The following KDM1A variants were observed in gnomAD, a reference collection of about 807,000 sequenced individuals.
The protein encoded by KDM1A is lysine demethylase 1A.
In KDM1A, 49 loss-of-function variants were observed where a neutral mutation model predicts 109.4. The observed-to-expected ratio is 0.45, with a 90% CI of 0.36 to 0.57. The LOEUF is 0.57. KDM1A is among the 20% of genes least tolerant of loss of function. The pLI is 0.00. For synonymous variants in KDM1A, 380 were observed against 415.4 expected (o/e 0.91, Z 1.04); for missense variants, 668 against 1,116.6 (o/e 0.60, Z 5.73).
At chr1:23,057,588 T>TA in intron 8 of KDM1A, 23 bp downstream of exon 8, 2 of 1,547,270 alleles carry the variant, frequency 1.3e-6, no homozygotes, top group Non-Finnish European at 1.8e-6. Context: ...TGGTTTGTGC[T>TA]ATATAGTACA....
At chr1:23,047,428 A>G (rs1642533778) in intron 3 of KDM1A, among the ~76,000 whole-genome samples, 1 of 152,226 alleles carries the variant, frequency 6.6e-6, no homozygotes, top group African/African-American at 2.4e-5. Flanking sequence ...GAAGAATATT[A>G]TTCCAAGCAT....
chr1:23,052,451 T>G (rs971758747), intron 4 of KDM1A, among the ~76,000 whole-genome samples: 1 of 152,200 alleles, frequency 6.6e-6, no homozygotes, highest in African/African-American at 2.4e-5. Flanking sequence ...TCATAATCCC[T>G]TAGTAATTTG....
At chr1:23,064,704 C>T (rs1643112247) in intron 9 of KDM1A, among the ~76,000 whole-genome samples, 1 of 152,198 alleles carries the variant, frequency 6.6e-6, no homozygotes, top group Non-Finnish European at 1.5e-5. Flanking sequence ...AGTTGTTTGG[C>T]TTTCCCACAT....
chr1:23,054,277 G>T (rs1048504042), intron 5 of KDM1A, among the ~76,000 whole-genome samples: 2 of 152,108 alleles, frequency 1.3e-5, no homozygotes, highest in Non-Finnish European at 2.9e-5. Flanking sequence ...TTTTAAATTA[G>T]ACAGACACAG....
At chr1:23,059,421 T>G in intron 9 of KDM1A, 1 of 505,218 alleles carries the variant, frequency 2.0e-6, no homozygotes, top group East Asian at 4.7e-5. Flanking sequence ...GAAGGCTAGC[T>G]AGACAGTTAA....
chr1:23,082,251 C>T lies in KDM1A; in HGVS notation c.2330C>T (p.Ala777Val), dbSNP rs1490193629. ...PKETVVSRWR[A>V]DPWARGSYSY... ...GAAACTGTGGTGTCTCGTTGGCGTG[C>T]TGATCCCTGGGCTCGGGGCTCTTAT... Residue 777 changes from alanine (A) to valine (V), a missense_variant, in exon 20 of 21, where the codon GCT becomes GTT. Coordinates refer to ENST00000400181, the MANE Select transcript of KDM1A (RefSeq NM_001009999.3). 1.9e-6 allele frequency: 3 copies of T among 1,613,812 alleles called. No individual in the cohort carries two copies. The South Asian group carries it at 3.3e-5, about 18-fold the overall frequency.
At chr1:23,053,217 A>T (rs748366144) in intron 4 of KDM1A, among the ~76,000 whole-genome samples, 4 of 152,152 alleles carry the variant, frequency 2.6e-5, no homozygotes, top group Non-Finnish European at 5.9e-5. Context: ...TTGGCAAGTT[A>T]CTAGGTGGTT....
At position 23,079,681 on chromosome 1, in the gene KDM1A, A is replaced by G. The variant is rs1441002040; in HGVS notation, c.2170+14A>G. 1.8e-5 allele frequency: 27 copies of G among 1,510,750 alleles called. No homozygotes were observed. The highest frequency in any genetic ancestry group is 2.5e-5 in the Non-Finnish European group (27 of 1,100,334). 93.6% of individuals were successfully genotyped at this position (1,510,750 alleles called of 1,614,324 possible). A position where few individuals can be genotyped will look rare whatever the true frequency, so the allele number is the denominator to read the frequency against. On this transcript the variant is annotated intron_variant, in intron 18 of 20. Transcript: ENST00000400181. The surrounding 1 kb of genome is among the most constrained non-coding windows in gnomAD (Gnocchi z 5.6). The stretch of plus-strand genomic sequence containing the variant: ...ACCTCTATAAAGGTAAATGCCTTCT[A>G]ATTTTAATCTTTTCCATATCCTTAC...
chr1:23,078,105 T>C (rs547190663), intron 16 of KDM1A, among the ~76,000 whole-genome samples: 2 of 152,330 alleles, frequency 1.3e-5, no homozygotes, highest in East Asian at 3.9e-4. Flanking sequence ...TAGCCATCAA[T>C]CTTACCCTGC....
chr1:23,019,688 C>T lies in KDM1A; in HGVS notation c.92C>T (p.Ser31Phe). Residue 31 changes from serine (S) to phenylalanine (F), a missense_variant, in exon 1 of 21, where the codon TCC becomes TTC. Ser to Phe is a radical substitution (Grantham distance 155, BLOSUM62 -2). Transcript: ENST00000400181. The stretch of plus-strand genomic sequence containing the variant: ...GCTGGCCCTGGGACAGCAGGCGGCT[C>T]CGAGAACGGGTCTGAGGTGGCCGCG... ...TEAGPGTAGG[S>F]ENGSEVAAQP... 7.4e-7 allele frequency: 1 copy of T among 1,360,276 alleles called. No individual in the cohort carries two copies. 84.3% of individuals were successfully genotyped at this position (1,360,276 alleles called of 1,614,324 possible).
chr1:23,052,490 C>A (rs1642702960), intron 4 of KDM1A, among the ~76,000 whole-genome samples: 1 of 152,086 alleles, frequency 6.6e-6, no homozygotes, highest in Non-Finnish European at 1.5e-5. Flanking sequence ...AAATTAATTT[C>A]TTCTTGGTTG....
At chr1:23,068,460 A>C (rs1212667348) in intron 10 of KDM1A, 79 bp from the exon 11 acceptor site, 5 of 1,200,418 alleles carry the variant, frequency 4.2e-6, no homozygotes, top group Admixed American at 2.8e-5. Context: ...ACCTTTATAA[A>C]CTATAGAGCA....
chr1:23,054,511 TG>T (rs1410105809), intron 5 of KDM1A, among the ~76,000 whole-genome samples: 3 of 152,202 alleles, frequency 2.0e-5, no homozygotes, highest in Non-Finnish European at 4.4e-5. Flanking sequence ...TGATTGACAG[TG>T]TCTCCTTCTG....
chr1:23,082,639 A>T (rs1001979178), intron 20 of KDM1A: 4 of 333,956 alleles, frequency 1.2e-5, no homozygotes, highest in African/African-American at 8.4e-5. Context: ...AAACAAAACC[A>T]TTTTTAATTG....
rs753457328 is a variant in KDM1A at position 23,034,614 on chromosome 1, G to A, written c.517+3980G>A. On this transcript the variant is annotated intron_variant, in intron 2 of 20. Coordinates refer to ENST00000400181, the MANE Select transcript of KDM1A (RefSeq NM_001009999.3). ...TTACTTGGCTTTTTTATTTTCACAT[G>A]GAAACATGACTCCATTTTTTTTTTC... Among the ~76,000 whole-genome samples the A allele has an allele frequency of 7.2e-5, 11 of 151,986 alleles. 1 individual carries two copies. The highest frequency in any genetic ancestry group is 1.0e-4 in the Non-Finnish European group (7 of 67,992).
intron 4 of KDM1A, among the ~76,000 whole-genome samples, chr1:23,051,679 CAGAACAT>C (rs1642674200): frequency 1.3e-5 from 2 of 152,282 alleles, no homozygotes; most frequent in East Asian, 3.9e-4. Flanking sequence ...AGGTGCTATT[CAGAACAT>C]GCTCATGTTA....
At chr1:23,059,546 T>G (rs911214250) in intron 9 of KDM1A, among the ~76,000 whole-genome samples, 2 of 152,222 alleles carry the variant, frequency 1.3e-5, no homozygotes, top group Admixed American at 6.5e-5. Context: ...ATGTGTTCTT[T>G]ATGACTTCAG....
chr1:23,047,461 T>A (rs1642534834), intron 3 of KDM1A, among the ~76,000 whole-genome samples: 1 of 152,202 alleles, frequency 6.6e-6, no homozygotes, highest in Non-Finnish European at 1.5e-5. Context: ...CCACATTTAG[T>A]TTCTTTAAAT....
At chr1:23,037,633 G>C (rs752112731) in intron 2 of KDM1A, among the ~76,000 whole-genome samples, 1 of 152,120 alleles carries the variant, frequency 6.6e-6, no homozygotes, top group Non-Finnish European at 1.5e-5. Context: ...TTGTATAATA[G>C]CTCTCTCAGA....
Sources: gnomAD v4.1 joint callset for allele counts (sites outside exome capture counted in the v4.1 genomes callset) on GRCh38, gnomAD v4.1.1 for gene constraint, Gnocchi (gnomAD v3.1) non-coding constraint, MANE v1.5 for transcripts, NCBI Gene and HGNC (gene_info 2026-07-23, HGNC 2026-07-21) for gene names.